Variants in PCDH10 observed in about 807,000 individuals in gnomAD.
PCDH10 encodes protocadherin 10.
Under a neutral mutation model 74.4 loss-of-function variants are expected in PCDH10, and 15 were observed. The ratio of observed to expected loss-of-function variants is 0.20; its 90% CI spans 0.13 to 0.31. PCDH10 has a LOEUF of 0.31. Among genes scored for constraint, PCDH10 ranks in the 10% least tolerant of loss-of-function variants. The pLI, the probability that PCDH10 is intolerant of heterozygous loss-of-function variation, is 1.00. For synonymous variants in PCDH10, 619 were observed against 589.8 expected (o/e 1.05, Z -0.72); for missense variants, 1,260 against 1,390.2 (o/e 0.91, Z 1.49).
At chr4:133,188,601 A>T (rs968220189) in intron 4 of PCDH10, among the ~76,000 whole-genome samples, 6 of 151,542 alleles carry the variant, frequency 4.0e-5, no homozygotes, top group African/African-American at 1.2e-4. Context: ...ATTATACTAC[A>T]CAATACATGT....
At chr4:133,162,194 A>G (rs1394122515) in intron 3 of PCDH10, among the ~76,000 whole-genome samples, 1 of 152,152 alleles carries the variant, frequency 6.6e-6, no homozygotes, top group Non-Finnish European at 1.5e-5. Flanking sequence ...GTAATAACGT[A>G]TTTGTCAATA....
chr4:133,204,057 TCA>T (rs1175057071), intron 2 of PCDH10, among the ~76,000 whole-genome samples: 1 of 152,164 alleles, frequency 6.6e-6, no homozygotes, highest in African/African-American at 2.4e-5. Context: ...AAACTCTCTC[TCA>T]TTATTTTTCC....
intron 2 of PCDH10, among the ~76,000 whole-genome samples, chr4:133,204,896 A>G (rs1442537814): frequency 6.6e-6 from 1 of 152,228 alleles, no homozygotes; most frequent in Non-Finnish European, 1.5e-5. Context: ...CATTCTGCAC[A>G]GGACCACTTG....
intron 2 of PCDH10, among the ~76,000 whole-genome samples, chr4:133,201,236 T>C (rs907335014): frequency 6.6e-6 from 1 of 152,162 alleles, no homozygotes; most frequent in African/African-American, 2.4e-5. Context: ...TTAACTAATT[T>C]AGTGAAACAT....
intron 4 of PCDH10, among the ~76,000 whole-genome samples, chr4:133,187,915 C>T (rs1310805051): frequency 6.6e-6 from 1 of 151,978 alleles, no homozygotes; most frequent in African/African-American, 2.4e-5. Flanking sequence ...ATTTTTATTA[C>T]TCTAAACATA....
downstream of PCDH10, among the ~76,000 whole-genome samples, chr4:133,197,594 T>C (rs1410735441): frequency 6.6e-6 from 1 of 152,200 alleles, no homozygotes; most frequent in African/African-American, 2.4e-5. Flanking sequence ...AATTTATTGA[T>C]CCATAATGAA....
chr4:133,170,646 G>A (rs904312226), intron 4 of PCDH10, among the ~76,000 whole-genome samples: 4 of 151,990 alleles, frequency 2.6e-5, no homozygotes, highest in Non-Finnish European at 5.9e-5. Flanking sequence ...TATGGTGCTT[G>A]TTGAGAAACA....
rs1348187442 is a variant in PCDH10, at chr4:133,150,512, G to A, written c.372G>A (p.Glu124=). The A allele has an allele frequency of 6.2e-7, 1 of 1,613,676 alleles. No homozygotes were observed. Among genetic ancestry groups the A allele is most frequent in the African/African-American group, 1.3e-5 (1 of 74,822 alleles). ...ATGACAACCCCCCCTCTTTCCCGGAGCCAGACCTGACGGTGGAAATCTCTG... is the reference window on the plus strand; with the variant it reads ...ATGACAACCCCCCCTCTTTCCCGGAACCAGACCTGACGGTGGAAATCTCTG... ...DINDNPPSFP[E]PDLTVEISES... Residue 124 remains glutamate (E), a synonymous_variant, in exon 1 of 5, where the codon GAG becomes GAA. Coordinates refer to ENST00000264360, the MANE Select transcript of PCDH10 (RefSeq NM_032961.3).
chr4:133,165,041 C>T (rs538369485), intron 4 of PCDH10, among the ~76,000 whole-genome samples: 299 of 147,140 alleles, frequency 2.0e-3, no homozygotes, highest in Non-Finnish European at 3.3e-3. Context: ...CTAACACATT[C>T]CAACATATAT....
intron 4 of PCDH10, among the ~76,000 whole-genome samples, chr4:133,165,849 G>T (rs1236477566): frequency 6.6e-6 from 1 of 151,594 alleles, no homozygotes; most frequent in Non-Finnish European, 1.5e-5. Context: ...ACCTCCGATT[G>T]CTAAAGTTAA....
chr4:133,152,644 T>C lies in PCDH10; in HGVS notation c.2504T>C (p.Met835Thr), dbSNP rs764322733. ...CCTGAGTCCGCCAAGACCGACCTGA[T>C]GTTTCTTAAGCCCTGCAGCCCTTCG... ...LTPESAKTDL[M>T]FLKPCSPSRS... The change falls in exon 1 of 5, where the codon ATG becomes ACG. Residue 835 changes from methionine (M) to threonine (T), a missense_variant. Coordinates refer to ENST00000264360, the MANE Select transcript of PCDH10 (RefSeq NM_032961.3). 1.2e-6 allele frequency: 2 copies of C among 1,614,228 alleles called. No individual in the cohort carries two copies. Among genetic ancestry groups the C allele is most frequent in the Non-Finnish European group, 1.7e-6 (2 of 1,180,046 alleles).
chr4:133,176,258 G>A (rs1048961645), intron 4 of PCDH10, among the ~76,000 whole-genome samples: 3 of 152,058 alleles, frequency 2.0e-5, no homozygotes, highest in African/African-American at 7.2e-5. Context: ...TATGGGATCA[G>A]TCAGCCAGGT....
intron 4 of PCDH10, among the ~76,000 whole-genome samples, chr4:133,163,634 A>G (rs1326706624): frequency 6.6e-6 from 1 of 152,178 alleles, no homozygotes; most frequent in Non-Finnish European, 1.5e-5. Flanking sequence ...TAGTTAATGG[A>G]TAAATATTAC....
chr4:133,167,072 A>T (rs1444413331), intron 4 of PCDH10, among the ~76,000 whole-genome samples: 5 of 151,404 alleles, frequency 3.3e-5, no homozygotes, highest in African/African-American at 1.2e-4. Flanking sequence ...TCCTGACCTA[A>T]TTTTATTTTT....
At chr4:133,161,738 T>C (rs1726975448) in intron 3 of PCDH10, among the ~76,000 whole-genome samples, 2 of 151,794 alleles carry the variant, frequency 1.3e-5, no homozygotes, top group Admixed American at 6.6e-5. Flanking sequence ...TTTTTCTTTT[T>C]TTAAAATATT....
At chr4:133,188,975 G>A (rs887555457) in intron 4 of PCDH10, among the ~76,000 whole-genome samples, 12 of 151,880 alleles carry the variant, frequency 7.9e-5, no homozygotes, top group South Asian at 6.2e-4. Context: ...ACATCCGGCC[G>A]ACTGCTATGG....
intron 2 of PCDH10, among the ~76,000 whole-genome samples, chr4:133,201,980 G>A (rs1167556642): frequency 2.0e-5 from 3 of 151,878 alleles, no homozygotes; most frequent in Middle Eastern, 3.4e-3. Context: ...AGGCTCTCTT[G>A]GTTATACAAG....
downstream of PCDH10, among the ~76,000 whole-genome samples, chr4:133,198,125 G>T (rs546519131): frequency 6.6e-6 from 1 of 152,154 alleles, no homozygotes; most frequent in African/African-American, 2.4e-5. Context: ...GTATCAAAAT[G>T]CCTGGTTGGA....
chr4:133,164,138 T>G, intron 4 of PCDH10: 1 of 398,826 alleles, frequency 2.5e-6, no homozygotes, highest in East Asian at 7.6e-5. Context: ...ATGTACCACT[T>G]TAGCACTTCA....
Sources: gnomAD v4.1 joint callset for allele counts (sites outside exome capture counted in the v4.1 genomes callset) on GRCh38, gnomAD v4.1.1 for gene constraint, MANE v1.5 for transcripts, NCBI Gene and HGNC (gene_info 2026-07-23, HGNC 2026-07-21) for gene names.